TTLL11: variants seen among roughly 807,000 people sequenced by gnomAD.
TTLL11 encodes the protein tubulin tyrosine ligase like 11.
In TTLL11, 42 loss-of-function variants were observed where a neutral mutation model predicts 51.7. That is an observed-to-expected ratio of 0.81 (90% CI 0.64 to 1.05). The LOEUF is 1.05. TTLL11 is among the 50% of genes least tolerant of loss of function. The pLI is 0.00. For synonymous variants in TTLL11, 381 were observed against 383.5 expected, an observed-to-expected ratio of 0.99 and a Z score of 0.08; for missense variants, 799 against 940.4, an observed-to-expected ratio of 0.85 and a Z score of 1.97.
intron 6 of TTLL11, among the ~76,000 whole-genome samples, chr9:121,894,858 C>G (rs1335280646): frequency 6.6e-6 from 1 of 152,114 alleles, no homozygotes; most frequent in African/African-American, 2.4e-5. Flanking sequence ...TGTAACAAAC[C>G]TGCACCTTCT....
chr9:121,978,820 G>A (rs142463261), intron 4 of TTLL11, among the ~76,000 whole-genome samples: 9 of 152,160 alleles, frequency 5.9e-5, no homozygotes, highest in Middle Eastern at 3.4e-3. Context: ...TGAGCCCCAC[G>A]CCTACCCTTC....
At chr9:122,039,197 C>A in intron 2 of TTLL11, 75 bp downstream of exon 2, 1 of 1,229,830 alleles carries the variant, frequency 8.1e-7, no homozygotes, top group Non-Finnish European at 1.2e-6. Flanking sequence ...AAATAACTGT[C>A]ATGTTTTAGT....
intron 8 of TTLL11, among the ~76,000 whole-genome samples, chr9:121,826,494 TG>T: frequency 2.2e-5 from 1 of 46,368 alleles, no homozygotes; most frequent in Admixed American, 1.8e-4. Context: ...TATATATATA[TG>T]TGTGTGTATA....
At chr9:121,896,081 C>T (rs62573962) in intron 6 of TTLL11, among the ~76,000 whole-genome samples, 74,917 of 150,766 alleles carry the variant, frequency 0.5, 18,601 homozygotes, top group South Asian at 0.59. Context: ...TCTGTGTGTG[C>T]CCGTTTGGTT....
At chr9:121,903,091 C>A (rs4304393) in intron 6 of TTLL11, among the ~76,000 whole-genome samples, 73,454 of 151,970 alleles carry the variant, frequency 0.48, 17,986 homozygotes, top group South Asian at 0.58. Flanking sequence ...AGGTAATAGT[C>A]ACAATGGGCC....
intron 1 of TTLL11, among the ~76,000 whole-genome samples, chr9:122,073,333 C>T (rs1845777447): frequency 6.6e-6 from 1 of 152,156 alleles, no homozygotes; most frequent in African/African-American, 2.4e-5. Flanking sequence ...TCACTTGAAC[C>T]TGGGAGCCAG....
intron 6 of TTLL11, among the ~76,000 whole-genome samples, chr9:121,873,365 C>T (rs1406952485): frequency 6.7e-6 from 1 of 149,718 alleles, no homozygotes; most frequent in African/African-American, 2.5e-5. Context: ...TATTTTACTA[C>T]TGTAATTCTT....
At chr9:122,092,217 G>A (rs1333587462) in intron 1 of TTLL11, among the ~76,000 whole-genome samples, 1 of 152,200 alleles carries the variant, frequency 6.6e-6, no homozygotes, top group East Asian at 1.9e-4. Flanking sequence ...AGGTCACACA[G>A]CTAAGTAGCA....
chr9:121,854,184 T>C (rs1160880268), intron 8 of TTLL11, among the ~76,000 whole-genome samples: 2 of 152,166 alleles, frequency 1.3e-5, no homozygotes, highest in Non-Finnish European at 2.9e-5. Context: ...TTCTGGAGAC[T>C]GTGGCTTTGG....
chr9:121,956,706 C>A (rs1842031482), intron 6 of TTLL11, among the ~76,000 whole-genome samples: 1 of 152,236 alleles, frequency 6.6e-6, no homozygotes, highest in African/African-American at 2.4e-5. Flanking sequence ...AAGTAGTTCT[C>A]AAAGTGTTGT....
chr9:121,995,753 C>T lies in TTLL11; in HGVS notation c.694-5983G>A, dbSNP rs1843237318. Among the ~76,000 whole-genome samples, 1 of 152,134 alleles carries T rather than the reference C, an allele frequency of 6.6e-6. No individual in the cohort carries two copies. The highest frequency in any genetic ancestry group is 2.1e-4 in the South Asian group (1 of 4,834). Reference sequence around the variant, plus strand: ...TTCATCGGAACCAGGCCAGGTTGTCCGATATCTCCTACAGATGATTAATTC... The same window carrying T: ...TTCATCGGAACCAGGCCAGGTTGTCTGATATCTCCTACAGATGATTAATTC... On this transcript the variant is annotated intron_variant, in intron 3 of 8. Coordinates refer to ENST00000321582, the MANE Select transcript of TTLL11 (RefSeq NM_001139442.2). This position sits in a 1 kb window ranked among gnomAD's most constrained non-coding sequence, Gnocchi z 4.4.
intron 3 of TTLL11, among the ~76,000 whole-genome samples, chr9:122,001,285 G>A (rs1014195113): frequency 2.0e-5 from 3 of 152,058 alleles, no homozygotes; most frequent in African/African-American, 4.8e-5. Context: ...TAGTAGAGAC[G>A]GGGTTTCCCC....
intron 1 of TTLL11, among the ~76,000 whole-genome samples, chr9:122,059,241 A>G (rs1845377011): frequency 6.6e-6 from 1 of 152,232 alleles, no homozygotes; most frequent in Non-Finnish European, 1.5e-5. Flanking sequence ...TCGAATGCCT[A>G]TCACGTGCTA....
chr9:121,895,711 G>A (rs1386641884), intron 6 of TTLL11, among the ~76,000 whole-genome samples: 3 of 3,306 alleles, frequency 9.1e-4, no homozygotes, highest in African/African-American at 3.1e-3. Flanking sequence ...GTGGGTTTGT[G>A]TGACTGTGTG....
chr9:121,844,831 GA>G (rs57707855), intron 8 of TTLL11, among the ~76,000 whole-genome samples: 3 of 151,030 alleles, frequency 2.0e-5, no homozygotes, highest in Non-Finnish European at 4.4e-5. Flanking sequence ...ATGAATTAAA[GA>G]AAAAAAATAC....
chr9:121,880,879 G>A (rs962741575), intron 6 of TTLL11, among the ~76,000 whole-genome samples: 1 of 152,242 alleles, frequency 6.6e-6, no homozygotes, highest in Non-Finnish European at 1.5e-5. Flanking sequence ...AAGCGAGGAG[G>A]CTGGGATTGG....
intron 8 of TTLL11, among the ~76,000 whole-genome samples, chr9:121,841,752 G>A (rs1837356326): frequency 1.3e-5 from 2 of 152,044 alleles, no homozygotes; most frequent in Non-Finnish European, 2.9e-5. Flanking sequence ...TGTTTGTTGT[G>A]GGGGTCTGTC....
intron 6 of TTLL11, chr9:121,963,552 A>G (rs1367419490): frequency 2.0e-5 from 3 of 152,206 alleles, no homozygotes; most frequent in East Asian, 3.8e-4. Flanking sequence ...GACTGGCCAT[A>G]TGCTCATCTA....
rs1838554469 is a variant in TTLL11 at position 121,876,134 on chromosome 9, T to C, written c.1482-5386A>G. ...TTTCCCAAGCTCACCCAATCAGTAG[T>C]GAAATCAGGATTTACACTTGGGACT... On this transcript the variant is annotated intron_variant, in intron 6 of 8. Coordinates refer to ENST00000321582, the MANE Select transcript of TTLL11 (RefSeq NM_001139442.2). Among the ~76,000 whole-genome samples the C allele has an allele frequency of 3.3e-5, 5 of 152,248 alleles. No homozygotes were observed. The South Asian group carries it at 1.0e-3, about 31-fold the overall frequency.
Sources: gnomAD v4.1 joint callset for allele counts (sites outside exome capture counted in the v4.1 genomes callset) on GRCh38, gnomAD v4.1.1 for gene constraint, Gnocchi (gnomAD v3.1) non-coding constraint, MANE v1.5 for transcripts, NCBI Gene and HGNC (gene_info 2026-07-23, HGNC 2026-07-21) for gene names.